The following ABL2 variants were observed in gnomAD, a reference collection of about 807,000 sequenced individuals.
ABL2 encodes ABL proto-oncogene 2, non-receptor tyrosine kinase.
In ABL2, 49 loss-of-function variants were observed where a neutral mutation model predicts 107.7. The observed-to-expected ratio is 0.45, with a 90% CI of 0.36 to 0.58. The LOEUF is 0.58. ABL2 is among the 20% of genes least tolerant of loss of function. The pLI, the probability that ABL2 is intolerant of heterozygous loss-of-function variation, is 0.00. For missense variants in ABL2, 1,245 were observed against 1,457.0 expected, an observed-to-expected ratio of 0.85 and a Z score of 2.37; for synonymous variants, 549 against 548.6, an observed-to-expected ratio of 1.00 and a Z score of -0.01.
chr1:179,118,352 C>T (rs964993901), intron 7 of ABL2, among the ~76,000 whole-genome samples: 9 of 152,162 alleles, frequency 5.9e-5, no homozygotes, highest in East Asian at 1.9e-4. Flanking sequence ...ATCACTATTG[C>T]AATTTTTTTT....
chr1:179,122,380 A>C (rs571952536), intron 4 of ABL2, among the ~76,000 whole-genome samples: 18 of 151,898 alleles, frequency 1.2e-4, no homozygotes, highest in Non-Finnish European at 2.6e-4. Context: ...TGGGCCTCCC[A>C]AGGTGCTGAG....
In ABL2 at chr1:179,105,805, T is replaced by A. The variant is rs548185903; in HGVS notation, c.*1913A>T. On this transcript the variant is annotated 3_prime_UTR_variant, in exon 12 of 12. Transcript: ENST00000502732. ...ATTCAAAACATAGTTTTCCCCTTAGTATTCTAGCCCAATTCATATAATCTC... is the reference window on the plus strand; with the variant it reads ...ATTCAAAACATAGTTTTCCCCTTAGAATTCTAGCCCAATTCATATAATCTC... 4.4e-6 allele frequency: 1 copy of A among 225,350 alleles called. No individual in the cohort carries two copies. The highest frequency in any genetic ancestry group is 1.8e-4 in the South Asian group (1 of 5,470). 14.0% of individuals were successfully genotyped at this position (225,350 alleles called of 1,614,324 possible).
chr1:179,119,610 A>G (rs1407715996), intron 6 of ABL2, among the ~76,000 whole-genome samples: 1 of 151,928 alleles, frequency 6.6e-6, no homozygotes, highest in African/African-American at 2.4e-5. Flanking sequence ...GCTTAGTAAG[A>G]GAGTTCTTTG....
chr1:179,226,681 T>C (rs1277083225), intron 1 of ABL2, among the ~76,000 whole-genome samples: 1 of 152,166 alleles, frequency 6.6e-6, no homozygotes, highest in Non-Finnish European at 1.5e-5. Flanking sequence ...TCATACTATG[T>C]GCCCAGCCAC....
intron 1 of ABL2, among the ~76,000 whole-genome samples, chr1:179,195,726 G>A (rs190378713): frequency 6.6e-6 from 1 of 152,170 alleles, no homozygotes; most frequent in South Asian, 2.1e-4. Context: ...AAATTCTCCT[G>A]CACGTTACAA....
At chr1:179,124,164 C>T (rs1655502671) in intron 4 of ABL2, among the ~76,000 whole-genome samples, 2 of 151,542 alleles carry the variant, frequency 1.3e-5, no homozygotes, top group African/African-American at 4.8e-5. Context: ...CGGCGTGAAC[C>T]TGGGAGGCGG....
chr1:179,160,019 CAGG>C (rs772806722), intron 1 of ABL2, among the ~76,000 whole-genome samples: 2 of 152,092 alleles, frequency 1.3e-5, no homozygotes, highest in South Asian at 4.2e-4. Context: ...AAGGCTGAGG[CAGG>C]AGAATTGCTT....
chr1:179,126,509 A>C lies in ABL2; in HGVS notation c.555T>G (p.Tyr185Ter). The C allele has an allele frequency of 6.2e-7, 1 of 1,614,176 alleles. No individual in the cohort carries two copies. Among genetic ancestry groups the C allele is most frequent in the Non-Finnish European group, 8.5e-7 (1 of 1,180,040 alleles). Residue 185 changes from tyrosine to a stop codon, truncating the protein, a stop_gained, in exon 4 of 12, where the codon TAT becomes TAG. Transcript: ENST00000502732. LOFTEE classifies it high-confidence loss of function. The surrounding 1 kb of genome is among the most constrained non-coding windows in gnomAD (Gnocchi z 4.4). ...TGCCATTGATTAGACTGCTGAGCAG[A>C]TACTCAGCTGCACTGCGTGACACAG... Reference protein sequence around the residue: ...HGPVSRSAAEYLLSSLINGSF... With the variant: ...HGPVSRSAAE
chr1:179,129,969 T>C (rs1478248681), intron 3 of ABL2, among the ~76,000 whole-genome samples: 1 of 152,212 alleles, frequency 6.6e-6, no homozygotes, highest in Non-Finnish European at 1.5e-5. Flanking sequence ...AGACGGCATC[T>C]CACTCTGTCG....
At chr1:179,127,693 ACTT>A (rs1372552748) in intron 3 of ABL2, among the ~76,000 whole-genome samples, 1 of 152,132 alleles carries the variant, frequency 6.6e-6, no homozygotes, top group East Asian at 1.9e-4. Flanking sequence ...ATTCACATCT[ACTT>A]CTTCAGTGTC....
At chr1:179,214,049 G>A (rs1459269354) in intron 1 of ABL2, among the ~76,000 whole-genome samples, 3 of 151,974 alleles carry the variant, frequency 2.0e-5, no homozygotes, top group African/African-American at 7.3e-5. Context: ...GACTCAAGAT[G>A]GACATACAAA....
At position 179,107,012 on chromosome 1, in the gene ABL2, G is replaced by A. The variant is rs1200003808; in HGVS notation, c.*706C>T. ...CATTATGAAATAATATACCAGACTGGGAGAAGTGACTTCTGCTAATCTGTG... is the reference window on the plus strand; with the variant it reads ...CATTATGAAATAATATACCAGACTGAGAGAAGTGACTTCTGCTAATCTGTG... On this transcript the variant is annotated 3_prime_UTR_variant, in exon 12 of 12. Coordinates refer to ENST00000502732, the MANE Select transcript of ABL2 (RefSeq NM_007314.4). 4.4e-6 allele frequency: 1 copy of A among 229,692 alleles called. No individual in the cohort carries two copies. The highest frequency in any genetic ancestry group is 2.2e-5 in the African/African-American group (1 of 45,122). The allele number at this position is 229,692 out of a possible 1,614,324, so 14.2% of individuals were successfully genotyped here. A position where few individuals can be genotyped will look rare whatever the true frequency, so the allele number is the denominator to read the frequency against.
At chr1:179,129,261 A>G (rs1372042526) in intron 3 of ABL2, among the ~76,000 whole-genome samples, 1 of 152,212 alleles carries the variant, frequency 6.6e-6, no homozygotes, top group Non-Finnish European at 1.5e-5. Context: ...TGACTGGGCT[A>G]TCTTGAAAAA....
Position 179,118,653 on chromosome 1 carries a change from AG to A in ABL2, c.1156del (p.Leu386CysfsTer15). 1 of 1,614,012 alleles carries A rather than the reference AG, an allele frequency of 6.2e-7. No homozygotes were observed. The highest frequency in any genetic ancestry group is 8.5e-7 in the Non-Finnish European group (1 of 1,180,004). ...AGAAATCTGAGTGGCCATGTAGAGC[AG>A]CACAACTGCAGTCACCTCTTCTCGG... ...CNREEVTAVV[L>X]LYMATQISSA... is the part of the protein sequence containing the mutation. On this transcript the variant is annotated frameshift_variant, in exon 7 of 12. Transcript: ENST00000502732. LOFTEE classifies it high-confidence loss of function.
At chr1:179,202,938 T>C (rs939871909) in intron 1 of ABL2, among the ~76,000 whole-genome samples, 1 of 152,156 alleles carries the variant, frequency 6.6e-6, no homozygotes, top group Non-Finnish European at 1.5e-5. Context: ...TCAAAATACA[T>C]GAGTGAAAAA....
Position 179,107,392 on chromosome 1 carries a change from C to CT in ABL2, c.*325dup. On this transcript the variant is annotated 3_prime_UTR_variant, in exon 12 of 12. Coordinates refer to ENST00000502732, the MANE Select transcript of ABL2 (RefSeq NM_007314.4). ...TGCTGCAGTCTTGCTGAGAGCAGCCCTGCCTAGCACTTCCCAGCATTCCAG... is the reference window on the plus strand; with the variant it reads ...TGCTGCAGTCTTGCTGAGAGCAGCCCTTGCCTAGCACTTCCCAGCATTCCAG... 3.0e-6 allele frequency: 1 copy of CT among 328,050 alleles called. No homozygotes were observed. Among genetic ancestry groups the CT allele is most frequent in the South Asian group, 6.0e-5 (1 of 16,700 alleles). 20.3% of individuals were successfully genotyped at this position (328,050 alleles called of 1,614,324 possible).
At chr1:179,194,705 A>G (rs1661202986) in intron 1 of ABL2, among the ~76,000 whole-genome samples, 2 of 152,200 alleles carry the variant, frequency 1.3e-5, no homozygotes, top group South Asian at 4.1e-4. Flanking sequence ...CAGATTTCTG[A>G]CACTCAGAAT....
intron 8 of ABL2, among the ~76,000 whole-genome samples, 200 bp from the exon 9 acceptor site, chr1:179,115,230 T>G (rs1373376541): frequency 2.0e-5 from 3 of 152,244 alleles, no homozygotes; most frequent in Non-Finnish European, 4.4e-5. Flanking sequence ...GCAGATAATC[T>G]CAAGACAGTT....
At chr1:179,206,569 T>A (rs1010256125) in intron 1 of ABL2, among the ~76,000 whole-genome samples, 2 of 149,936 alleles carry the variant, frequency 1.3e-5, no homozygotes, top group African/African-American at 4.9e-5. Context: ...AGCTATATAA[T>A]AGCATCCATC....
Sources: allele counts gnomAD v4.1 joint callset (sites outside exome capture counted in the v4.1 genomes callset), GRCh38; gene constraint gnomAD v4.1.1; non-coding constraint Gnocchi (gnomAD v3.1); transcripts MANE v1.5; gene names NCBI Gene and HGNC (gene_info 2026-07-23, HGNC 2026-07-21).